The following CHL1 variants were observed in gnomAD, a reference collection of about 807,000 sequenced individuals.
The protein encoded by CHL1 is cell adhesion molecule L1 like, also known as neural cell adhesion molecule L1-like protein.
In CHL1, 96 loss-of-function variants were observed where a neutral mutation model predicts 141.9. That is an observed-to-expected ratio of 0.68 (90% confidence interval 0.57 to 0.80). The LOEUF is 0.80. CHL1 is among the 30% of genes least tolerant of loss of function. CHL1 has a pLI of 0.00. For missense variants in CHL1, 1,820 were observed against 1,457.2 expected (o/e 1.25, Z -4.05); for synonymous variants, 613 against 502.2 (o/e 1.22, Z -2.95).
chr3:272,709 C>T (rs1338784053), intron 2 of CHL1, among the ~76,000 whole-genome samples: 5 of 152,166 alleles, frequency 3.3e-5, no homozygotes, highest in African/African-American at 7.2e-5. Flanking sequence ...CAGCAATGGA[C>T]GTATTTTGTA....
chr3:279,439 T>A (rs1696441784), intron 2 of CHL1, among the ~76,000 whole-genome samples: 1 of 152,208 alleles, frequency 6.6e-6, no homozygotes, highest in South Asian at 2.1e-4. Flanking sequence ...GTTTTAAAAT[T>A]CATATACAGC....
chr3:255,992 A>G (rs1232475356), intron 2 of CHL1, among the ~76,000 whole-genome samples: 4 of 152,200 alleles, frequency 2.6e-5, no homozygotes, highest in Non-Finnish European at 1.5e-5. Context: ...TCAACTTTCT[A>G]AAATTCCTGG....
intron 1 of CHL1, among the ~76,000 whole-genome samples, chr3:223,922 A>G (rs1701094417): frequency 6.6e-6 from 1 of 152,186 alleles, no homozygotes; most frequent in Non-Finnish European, 1.5e-5. Flanking sequence ...GTTCCTTGGT[A>G]TGAGTCACAG....
chr3:399,638 T>A (rs1003140515), intron 26 of CHL1, among the ~76,000 whole-genome samples: 1 of 151,876 alleles, frequency 6.6e-6, no homozygotes, highest in South Asian at 2.1e-4. Context: ...AAAAACTCCA[T>A]CTCAAAAAAA....
chr3:376,256 C>A (rs1046573020), intron 15 of CHL1: 6 of 381,442 alleles, frequency 1.6e-5, no homozygotes, highest in African/African-American at 8.5e-5. Context: ...ATAGTGTGAC[C>A]CCGTGTGTGA....
At chr3:360,241 T>C in intron 11 of CHL1, 43 bp from the exon 12 acceptor site, 2 of 1,603,354 alleles carry the variant, frequency 1.2e-6, no homozygotes, top group Non-Finnish European at 1.7e-6. Context: ...AAATATTTTA[T>C]GTCCTGTTCC....
chr3:343,136 T>G, intron 8 of CHL1, 105 bp downstream of exon 8: 1 of 841,302 alleles, frequency 1.2e-6, no homozygotes, highest in Middle Eastern at 2.5e-4. Context: ...ACAATACTGT[T>G]ATTATGAAAA....
chr3:272,402 C>G (rs760976901), intron 2 of CHL1, among the ~76,000 whole-genome samples: 11 of 152,092 alleles, frequency 7.2e-5, no homozygotes, highest in Non-Finnish European at 1.5e-4. Context: ...ATACTTCTAT[C>G]TCATCAATTT....
At chr3:337,036 A>C (rs1054022914) in intron 5 of CHL1, among the ~76,000 whole-genome samples, 12 of 148,576 alleles carry the variant, frequency 8.1e-5, no homozygotes, top group Non-Finnish European at 1.3e-4. Context: ...ACTGAATAAT[A>C]AATGTGAAAG....
intron 1 of CHL1, among the ~76,000 whole-genome samples, chr3:229,325 G>A (rs561171155): frequency 6.6e-6 from 1 of 152,186 alleles, no homozygotes; most frequent in Admixed American, 6.6e-5. Context: ...GGAGAAAATG[G>A]CATTCACAGA....
At chr3:361,482 G>A (rs1399460437) in intron 12 of CHL1, among the ~76,000 whole-genome samples, 1 of 151,518 alleles carries the variant, frequency 6.6e-6, no homozygotes, top group African/African-American at 2.4e-5. Context: ...TCTGACAAAG[G>A]GCTAATATCC....
rs150316233 is a variant in CHL1 at position 208,349 on chromosome 3, C to T, written c.-175+11286C>T. Reference sequence around the variant, plus strand: ...TCTGCCACAGCCTAGTATTTACTGCCTCAATTAAGCATGCATTCCACTTCC... The same window carrying T: ...TCTGCCACAGCCTAGTATTTACTGCTTCAATTAAGCATGCATTCCACTTCC... On this transcript the variant is annotated intron_variant, in intron 1 of 27. Transcript: ENST00000256509. Among the ~76,000 whole-genome samples, 493 of 147,892 alleles carry T rather than the reference C, an allele frequency of 3.3e-3. 14 individuals are homozygous for T. Among genetic ancestry groups the T allele is most frequent in the African/African-American group, 0.012 (462 of 37,450 alleles).
At chr3:381,343 G>T (rs1302205079) in intron 16 of CHL1, among the ~76,000 whole-genome samples, 1 of 152,154 alleles carries the variant, frequency 6.6e-6, no homozygotes, top group African/African-American at 2.4e-5. Context: ...CACCAACCCA[G>T]TGCAGTAAGA....
rs115186309 is a variant in CHL1 at position 207,152 on chromosome 3, T to A, written c.-175+10089T>A. On this transcript the variant is annotated intron_variant, in intron 1 of 27. Coordinates refer to ENST00000256509, the MANE Select transcript of CHL1 (RefSeq NM_006614.4). ...TTTTAAGAGATTTTTGAGTTTTTTG[T>A]TTGGGATATTTACAAGCAAATGTTC... 2.0e-3 allele frequency among the ~76,000 whole-genome samples: 310 copies of A among 152,358 alleles called. 3 individuals carry two copies. The highest frequency in any genetic ancestry group is 7.0e-3 in the African/African-American group (292 of 41,584).
Position 217,282 on chromosome 3 carries a change from T to G in CHL1, c.-175+20219T>G, listed in dbSNP as rs533607570. Reference sequence around the variant, plus strand: ...AAGGGTATATGTGTATACGTGTGTGTGCATGTGTAGCTCTGATTCTAAGAA... The same window carrying G: ...AAGGGTATATGTGTATACGTGTGTGGGCATGTGTAGCTCTGATTCTAAGAA... On this transcript the variant is annotated intron_variant, in intron 1 of 27. Transcript: ENST00000256509. 1.8e-4 allele frequency among the ~76,000 whole-genome samples: 28 copies of G among 152,212 alleles called. 1 individual carries two copies. In the South Asian group the frequency reaches 3.3e-3, roughly 18 times the overall value.
In CHL1 at chr3:340,774, A is replaced by G; in HGVS notation, c.386-20A>G. ...AAAGTTAATTTTAAAATAACACATT[A>G]AAATGATTTTTTACACCAGGTGTTC... On this transcript the variant is annotated intron_variant, in intron 5 of 27. Transcript: ENST00000256509. The G allele has an allele frequency of 6.3e-7, 1 of 1,584,956 alleles. No homozygotes were observed. Among genetic ancestry groups the G allele is most frequent in the Non-Finnish European group, 8.6e-7 (1 of 1,158,524 alleles).
chr3:227,594 T>C (rs1052200890), intron 1 of CHL1, among the ~76,000 whole-genome samples: 5 of 152,178 alleles, frequency 3.3e-5, no homozygotes, highest in African/African-American at 1.2e-4. Flanking sequence ...CTGGAGACAA[T>C]AGCATGTGTG....
chr3:295,220 C>T (rs1421610512), intron 2 of CHL1, among the ~76,000 whole-genome samples: 4 of 152,160 alleles, frequency 2.6e-5, no homozygotes, highest in African/African-American at 9.7e-5. Context: ...CTTCAGAGGG[C>T]CTGTTAGAGT....
At chr3:293,205 A>G (rs116329452) in intron 2 of CHL1, among the ~76,000 whole-genome samples, 393 of 152,344 alleles carry the variant, frequency 2.6e-3, no homozygotes, top group Admixed American at 5.8e-3. Context: ...GGAATAAACT[A>G]CAAAAAAAAC....
Sources: gnomAD v4.1 joint callset for allele counts (sites outside exome capture counted in the v4.1 genomes callset) on GRCh38, gnomAD v4.1.1 for gene constraint, MANE v1.5 for transcripts, NCBI Gene and HGNC (gene_info 2026-07-23, HGNC 2026-07-21) for gene names.